Variants in PKD2L2 observed in about 807,000 individuals in gnomAD.
PKD2L2 encodes the protein polycystin-2-like protein 2.
PKD2L2 carries 67 observed loss-of-function variants against 83.9 expected under a neutral mutation model. That is an observed-to-expected ratio of 0.80 (90% CI 0.66 to 0.98). The LOEUF (loss-of-function observed/expected upper bound fraction) is 0.98. PKD2L2 is among the 50% of genes least tolerant of loss of function. PKD2L2 has a pLI of 0.00. For synonymous variants in PKD2L2, 223 were observed against 237.8 expected (o/e 0.94, Z 0.57); for missense variants, 632 against 717.2 (o/e 0.88, Z 1.36).
chr5:137,933,903 C>A (rs1022230737), intron 12 of PKD2L2, among the ~76,000 whole-genome samples: 1 of 152,166 alleles, frequency 6.6e-6, no homozygotes, highest in Non-Finnish European at 1.5e-5. Flanking sequence ...CCCAAACGGT[C>A]AAGTGGCAGT....
intron 5 of PKD2L2, among the ~76,000 whole-genome samples, chr5:137,905,135 T>A (rs1457537924): frequency 2.0e-5 from 3 of 152,180 alleles, no homozygotes; most frequent in African/African-American, 4.8e-5. Flanking sequence ...CCTTGTAATA[T>A]AAGATTAAGT....
chr5:137,908,817 T>C lies in PKD2L2; in HGVS notation c.1199T>C (p.Leu400Ser). The C allele has an allele frequency of 1.9e-6, 3 of 1,596,750 alleles. No homozygotes were observed. Among genetic ancestry groups the C allele is most frequent in the Non-Finnish European group, 2.6e-6 (3 of 1,166,142 alleles). ...NKTMSQLSST[L>S]SRCVKDIVGF... The stretch of plus-strand genomic sequence containing the variant: ...ACAATGTCTCAGCTGTCATCAACCT[T>C]GTCCCGTTGTGTTAAAGACATAGTA... The change falls in exon 8 of 15, where the codon TTG becomes TCG. Residue 400 changes from leucine to serine, a missense_variant. Leu to Ser is a moderately radical substitution (Grantham distance 145, BLOSUM62 -2). Transcript: ENST00000508883.
Position 137,940,223 on chromosome 5 carries a change from T to A in PKD2L2, c.*18-2161T>A, listed in dbSNP as rs1358930160. The A allele has an allele frequency of 6.8e-6, 11 of 1,613,870 alleles. No homozygotes were observed. The Admixed American group carries it at 1.0e-4, about 15-fold the overall frequency. Reference sequence around the variant, plus strand: ...ATGATATGAATTTTCAAGGAACGTATCTTATATGGATTTTGAAGAATCTTG... The same window carrying A: ...ATGATATGAATTTTCAAGGAACGTAACTTATATGGATTTTGAAGAATCTTG... On this transcript the variant is annotated intron_variant, in intron 14 of 14. Transcript: ENST00000508883.
chr5:137,937,761 C>A (rs1022678245), intron 14 of PKD2L2, among the ~76,000 whole-genome samples: 2 of 152,150 alleles, frequency 1.3e-5, no homozygotes, highest in Non-Finnish European at 2.9e-5. Context: ...TAGATCTGCA[C>A]AAGGGAATGA....
chr5:137,894,228 C>T, intron 3 of PKD2L2, 125 bp from the exon 4 acceptor site: 1 of 804,330 alleles, frequency 1.2e-6, no homozygotes. Context: ...TTACCATTAC[C>T]ATTAATGGTA....
intron 12 of PKD2L2, among the ~76,000 whole-genome samples, chr5:137,930,532 G>A (rs950858679): frequency 1.3e-5 from 2 of 151,932 alleles, no homozygotes; most frequent in South Asian, 2.1e-4. Context: ...TTAGCCGGGT[G>A]TGGTGGCACA....
chr5:137,926,493 G>A (rs558173489), intron 12 of PKD2L2, among the ~76,000 whole-genome samples: 9 of 152,108 alleles, frequency 5.9e-5, no homozygotes, highest in East Asian at 1.9e-4. Flanking sequence ...TCTCATTTTC[G>A]GATAAAGGAA....
chr5:137,897,054 T>C (rs1348160228), intron 4 of PKD2L2, among the ~76,000 whole-genome samples: 2 of 146,978 alleles, frequency 1.4e-5, no homozygotes, highest in East Asian at 3.9e-4. Flanking sequence ...ATTATTATTA[T>C]TATTATTATT....
intron 14 of PKD2L2, chr5:137,939,863 T>C (rs1214945845): frequency 2.3e-6 from 3 of 1,322,050 alleles, no homozygotes; most frequent in Non-Finnish European, 1.9e-6. Context: ...TCTTCAGTAA[T>C]GAGAAACAAA....
At position 137,907,820 on chromosome 5, in the gene PKD2L2, A is replaced by C; in HGVS notation, c.1054A>C (p.Thr352Pro). 6.4e-7 allele frequency: 1 copy of C among 1,574,392 alleles called. No homozygotes were observed. The highest frequency in any genetic ancestry group is 8.7e-7 in the Non-Finnish European group (1 of 1,147,074). ...FLLLGQLLKS[T>P]EKYSDFYFLA... ...CTTACTTGGACAGCTGTTGAAAAGT[A>C]CTGAAAAATATTCAGATTTCTATTT... is the stretch of plus-strand genomic sequence containing the variant. Residue 352 changes from threonine to proline, a missense_variant, in exon 7 of 15, where the codon ACT becomes CCT. Physicochemically the swap from Thr to Pro is conservative, Grantham distance 38. Transcript: ENST00000508883.
chr5:137,937,951 T>C (rs1470148098), intron 14 of PKD2L2: 1 of 152,104 alleles, frequency 6.6e-6, no homozygotes, highest in East Asian at 1.9e-4. Context: ...AACATACATT[T>C]ACAATGACTT....
chr5:137,941,424 A>G (rs1300889801), intron 14 of PKD2L2, among the ~76,000 whole-genome samples: 1 of 152,182 alleles, frequency 6.6e-6, no homozygotes, highest in African/African-American at 2.4e-5. Context: ...AGTTTTTAAA[A>G]AGAGCCCTTC....
In PKD2L2 at chr5:137,905,903, A is replaced by G. The variant is rs550696304; in HGVS notation, c.747-303A>G. Among the ~76,000 whole-genome samples, 3 of 152,272 alleles carry G rather than the reference A, an allele frequency of 2.0e-5. 1 individual carries two copies. In the South Asian group the frequency reaches 6.2e-4, roughly 32 times the overall value. ...GTGGACATAAATTATATTCCCAGTT[A>G]TGAACAAGCAAGCTGAACACAAAAT... is the stretch of plus-strand genomic sequence containing the variant. On this transcript the variant is annotated intron_variant, in intron 5 of 14. Transcript: ENST00000508883.
intron 12 of PKD2L2, among the ~76,000 whole-genome samples, chr5:137,929,034 A>G (rs1474067586): frequency 1.3e-5 from 2 of 152,358 alleles, no homozygotes; most frequent in East Asian, 1.9e-4. Context: ...CTCACATACA[A>G]TGAAAAATAA....
chr5:137,914,664 A>G (rs1561691663), intron 8 of PKD2L2, among the ~76,000 whole-genome samples: 1 of 152,096 alleles, frequency 6.6e-6, no homozygotes, highest in Non-Finnish European at 1.5e-5. Context: ...TCAATACTGT[A>G]TTGAATAGAA....
At chr5:137,905,942 GA>G (rs369804831) in intron 5 of PKD2L2, among the ~76,000 whole-genome samples, 24 of 150,548 alleles carry the variant, frequency 1.6e-4, no homozygotes, top group South Asian at 4.2e-4. Context: ...ATGAATGTCT[GA>G]AAAAAAAATC....
Position 137,936,323 on chromosome 5 carries a change from T to C in PKD2L2, c.1788T>C (p.Leu596=). 1 of 1,530,784 alleles carries C rather than the reference T, an allele frequency of 6.5e-7. No homozygotes were observed. Among genetic ancestry groups the C allele is most frequent in the Non-Finnish European group, 8.8e-7 (1 of 1,141,936 alleles). 94.8% of individuals were successfully genotyped at this position (1,530,784 alleles called of 1,614,324 possible). A position where few individuals can be genotyped will look rare whatever the true frequency, so the allele number is the denominator to read the frequency against. The change falls in exon 14 of 15, where the codon CTT becomes CTC. Residue 596 remains leucine, a synonymous_variant. Coordinates refer to ENST00000508883, the MANE Select transcript of PKD2L2 (RefSeq NM_001300921.2). ...QPVTQEEFRE[L]FLYAVELEKE... Reference sequence around the variant, plus strand: ...TACTTCCTTCGAAATTTTCTAGACTTTTTTTATATGCTGTGGAGCTGGAGA... The same window carrying C: ...TACTTCCTTCGAAATTTTCTAGACTCTTTTTATATGCTGTGGAGCTGGAGA...
intron 14 of PKD2L2, among the ~76,000 whole-genome samples, chr5:137,937,364 G>A (rs1052924567): frequency 1.3e-5 from 2 of 152,158 alleles, no homozygotes; most frequent in African/African-American, 4.8e-5. Flanking sequence ...TACAGAGCAG[G>A]GTAGGCGTAT....
chr5:137,921,630 T>C lies in PKD2L2; in HGVS notation c.1329-6T>C, dbSNP rs1190084195. The C allele has an allele frequency of 1.9e-6, 3 of 1,566,262 alleles. No individual in the cohort carries two copies. The highest frequency in any genetic ancestry group is 1.1e-5 in the South Asian group (1 of 87,000). On this transcript the variant is annotated splice_region_variant and splice_polypyrimidine_tract_variant and intron_variant, in intron 8 of 14. Transcript: ENST00000508883. ...ATATATTTTCTACTGTTTTTCTTTC[T>C]TAAAGATTTGCACAATTTCGAATTG... is the stretch of plus-strand genomic sequence containing the variant.
Sources: gnomAD v4.1 joint callset for allele counts (sites outside exome capture counted in the v4.1 genomes callset) on GRCh38, gnomAD v4.1.1 for gene constraint, MANE v1.5 for transcripts, NCBI Gene and HGNC (gene_info 2026-07-23, HGNC 2026-07-21) for gene names.